Variants in ACTN4 observed in about 807,000 individuals in gnomAD.
The protein encoded by ACTN4 is actinin alpha 4.
In ACTN4, 18 loss-of-function variants were observed where a neutral mutation model predicts 114.2. The ratio of observed to expected loss-of-function variants is 0.16; its 90% CI spans 0.11 to 0.23. The LOEUF is 0.23. Ranked by LOEUF, ACTN4 falls within the 10% of genes least tolerant of loss-of-function variation. The probability of loss-of-function intolerance (pLI) is 1.00; values close to 1 mark genes in which losing one functional copy is unlikely to be tolerated. For synonymous variants in ACTN4, 515 were observed against 506.3 expected (o/e 1.02, Z -0.23); for missense variants, 722 against 1,262.9 (o/e 0.57, Z 6.49).
intron 1 of ACTN4, among the ~76,000 whole-genome samples, chr19:38,657,201 A>T (rs1207881954): frequency 6.6e-6 from 1 of 151,428 alleles, no homozygotes; most frequent in Non-Finnish European, 1.5e-5. Context: ...GGAGTGCAGT[A>T]GCACGATCTC....
At chr19:38,687,120 C>T (rs765266647) in intron 1 of ACTN4, among the ~76,000 whole-genome samples, 2 of 152,034 alleles carry the variant, frequency 1.3e-5, no homozygotes, top group South Asian at 2.1e-4. Context: ...TGTGCCACCA[C>T]GTCTGGCTAA....
At position 38,727,886 on chromosome 19, in the gene ACTN4, C is replaced by G; in HGVS notation, c.2338-60C>G. ...CCTGCCCTCTGCATGTGACCCCGAT[C>G]CCTCATCCTGGTCTCCACGCCGCCC... On this transcript the variant is annotated intron_variant, in intron 18 of 20. Transcript: ENST00000252699. The surrounding 1 kb of genome is among the most constrained non-coding windows in gnomAD (Gnocchi z 5.4). 3 of 1,532,052 alleles carry G rather than the reference C, an allele frequency of 2.0e-6. No homozygotes were observed. The highest frequency in any genetic ancestry group is 2.3e-5 in the East Asian group (1 of 43,816). The allele number at this position is 1,532,052 out of a possible 1,614,324, so 94.9% of individuals were successfully genotyped here.
intron 12 of ACTN4, 128 bp from the exon 13 acceptor site, chr19:38,723,486 T>C (rs1969115816): frequency 2.7e-6 from 2 of 739,542 alleles, no homozygotes; most frequent in South Asian, 1.5e-5. Flanking sequence ...CAATTAGTGA[T>C]TGGTTGCTGA....
At position 38,647,843 on chromosome 19, in the gene ACTN4, C is replaced by T; in HGVS notation, c.98C>T (p.Ala33Val). The T allele has an allele frequency of 6.5e-7, 1 of 1,549,664 alleles. No homozygotes were observed. The change falls in exon 1 of 21, where the codon GCC becomes GTC. Residue 33 changes from alanine (A) to valine (V), a missense_variant. This residue lies in a region of ACTN4 where 72 missense variants were observed against 75.6 expected (regional missense o/e 0.95). Coordinates refer to ENST00000252699, the MANE Select transcript of ACTN4 (RefSeq NM_004924.6). ...GGGGSMGDYM[A>V]QEDDWDRDLL... ...GGGGGCAGCATGGGCGACTACATGG[C>T]CCAGGAGGACGACTGGGACCGGGAC...
chr19:38,722,195 A>C (rs1048182752), intron 12 of ACTN4, among the ~76,000 whole-genome samples: 2 of 152,120 alleles, frequency 1.3e-5, no homozygotes, highest in Non-Finnish European at 2.9e-5. Flanking sequence ...AAACTTGTGT[A>C]CACAATTAGT....
chr19:38,721,947 T>C (rs539536005), intron 12 of ACTN4: 2 of 564,136 alleles, frequency 3.5e-6, no homozygotes, highest in African/African-American at 3.7e-5. Context: ...CTTGTCTTGA[T>C]TCTTCAGGCT....
Position 38,724,122 on chromosome 19 carries a change from G to C in ACTN4, c.1693-35G>C, listed in dbSNP as rs1186861360. ...CCATCTTCCCAAGAGCCTCTGTGGG[G>C]CTGGGCCGCCCCCTCACTCCAGCTC... On this transcript the variant is annotated intron_variant, in intron 14 of 20. Coordinates refer to ENST00000252699, the MANE Select transcript of ACTN4 (RefSeq NM_004924.6). This position sits in a 1 kb window ranked among gnomAD's most constrained non-coding sequence, Gnocchi z 7.0. 2 of 1,613,494 alleles carry C rather than the reference G, an allele frequency of 1.2e-6. No homozygotes were observed. The highest frequency in any genetic ancestry group is 4.5e-5 in the East Asian group (2 of 44,892).
At chr19:38,723,317 C>A (rs902753023) in intron 12 of ACTN4, among the ~76,000 whole-genome samples, 1 of 152,174 alleles carries the variant, frequency 6.6e-6, no homozygotes, top group Non-Finnish European at 1.5e-5. Context: ...GGGCCACACT[C>A]TTAGCTGATA....
At chr19:38,656,711 G>A (rs1976721680) in intron 1 of ACTN4, among the ~76,000 whole-genome samples, 1 of 152,168 alleles carries the variant, frequency 6.6e-6, no homozygotes, top group South Asian at 2.1e-4. Flanking sequence ...CAATACAATA[G>A]CATTTGTGTC....
At chr19:38,660,391 T>G (rs1184774276) in intron 1 of ACTN4, among the ~76,000 whole-genome samples, 9 of 152,070 alleles carry the variant, frequency 5.9e-5, no homozygotes, top group South Asian at 4.1e-4. Flanking sequence ...CTGACTGGTT[T>G]TTGTTTTTTT....
chr19:38,677,159 C>T (rs1045305015), intron 1 of ACTN4, among the ~76,000 whole-genome samples: 3 of 152,070 alleles, frequency 2.0e-5, no homozygotes, highest in South Asian at 4.2e-4. Flanking sequence ...GTAGGGCCGT[C>T]GCACCTGACA....
intron 11 of ACTN4, among the ~76,000 whole-genome samples, chr19:38,720,350 C>T (rs183360150): frequency 6.6e-6 from 1 of 152,382 alleles, no homozygotes; most frequent in East Asian, 1.9e-4. Flanking sequence ...CCTCTCGGTG[C>T]ACCCTTGCCA....
Position 38,701,025 on chromosome 19 carries a change from C to A in ACTN4, c.301C>A (p.Arg101=). 1 of 1,613,960 alleles carries A rather than the reference C, an allele frequency of 6.2e-7. No homozygotes were observed. Among genetic ancestry groups the A allele is most frequent in the Non-Finnish European group, 8.5e-7 (1 of 1,180,006 alleles). Residue 101 remains arginine, a synonymous_variant, in exon 3 of 21, where the codon CGG becomes AGG. Transcript: ENST00000252699. ...AGGGGAGCGGTTACCTAAGCCGGAG[C>A]GGGGGAAGATGAGAGTGCACAAAAT... The part of the protein sequence containing the change: ...ISGERLPKPE[R]GKMRVHKINN...
At chr19:38,652,674 G>A (rs999233601) in intron 1 of ACTN4, among the ~76,000 whole-genome samples, 2 of 152,234 alleles carry the variant, frequency 1.3e-5, no homozygotes, top group Non-Finnish European at 2.9e-5. Flanking sequence ...GCCCCAAGTG[G>A]GCTGCCTTGT....
chr19:38,684,901 C>T (rs1967694804), intron 1 of ACTN4, among the ~76,000 whole-genome samples: 1 of 151,890 alleles, frequency 6.6e-6, no homozygotes, highest in Admixed American at 6.6e-5. Flanking sequence ...AAAAAGAGAC[C>T]CCCAAATCCA....
intron 1 of ACTN4, among the ~76,000 whole-genome samples, chr19:38,695,102 T>C (rs544548465): frequency 1.3e-5 from 2 of 152,324 alleles, no homozygotes; most frequent in East Asian, 3.9e-4. Context: ...CTCAAACTCC[T>C]GTGCTAAAGC....
chr19:38,702,485 C>A (rs909409969), intron 3 of ACTN4, among the ~76,000 whole-genome samples: 1 of 152,206 alleles, frequency 6.6e-6, no homozygotes, highest in Admixed American at 6.5e-5. Flanking sequence ...TCATGAGAAA[C>A]GCCATCCTCC....
At position 38,701,151 on chromosome 19, in the gene ACTN4, T is replaced by C. The variant is rs757017677; in HGVS notation, c.397+30T>C. 7.4e-6 allele frequency: 12 copies of C among 1,613,306 alleles called. No homozygotes were observed. In the East Asian group the frequency reaches 2.5e-4, roughly 33 times the overall value. On this transcript the variant is annotated intron_variant, in intron 3 of 20. Transcript: ENST00000252699. ...GCTGGAGGTGGGGCAGCGAGGGTCC[T>C]GCTCGGTTTCTGACCTTTAGGCTCT...
chr19:38,695,612 G>A (rs1216586077), intron 1 of ACTN4, among the ~76,000 whole-genome samples: 1 of 152,028 alleles, frequency 6.6e-6, no homozygotes, highest in Non-Finnish European at 1.5e-5. Flanking sequence ...CAGCATGACC[G>A]TTTAATGGCT....
Sources: gnomAD v4.1 joint callset for allele counts (sites outside exome capture counted in the v4.1 genomes callset) on GRCh38, gnomAD v4.1.1 for gene constraint, gnomAD v4.1.1 regional missense constraint, Gnocchi (gnomAD v3.1) non-coding constraint, MANE v1.5 for transcripts, NCBI Gene and HGNC (gene_info 2026-07-23, HGNC 2026-07-21) for gene names.